VPS18: variants seen among roughly 807,000 people sequenced by gnomAD.
The protein encoded by VPS18 is VPS18 core subunit of CORVET and HOPS complexes.
A neutral mutation model predicts 82.0 loss-of-function variants in VPS18; 25 were observed. That is an observed-to-expected ratio of 0.30 (90% CI 0.22 to 0.43). The LOEUF (loss-of-function observed/expected upper bound fraction) is 0.43. Among genes scored for constraint, VPS18 ranks in the 20% least tolerant of loss-of-function variants. The pLI is 1.00. For missense variants in VPS18, 1,168 were observed against 1,311.1 expected, an observed-to-expected ratio of 0.89 and a Z score of 1.69; for synonymous variants, 523 against 543.0, an observed-to-expected ratio of 0.96 and a Z score of 0.51.
chr15:40,894,975 C>A, intron 1 of VPS18, 116 bp downstream of exon 1: 1 of 1,041,716 alleles, frequency 9.6e-7, no homozygotes, highest in Non-Finnish European at 1.3e-6. Context: ...CCTTCCGGGT[C>A]TAGGCCCCTG....
In VPS18 at chr15:40,899,519, G is replaced by T. The variant is rs202034474; in HGVS notation, c.701G>T (p.Arg234Leu). 5 of 1,610,450 alleles carry T rather than the reference G, an allele frequency of 3.1e-6. No individual in the cohort carries two copies. The highest frequency in any genetic ancestry group is 4.2e-6 in the Non-Finnish European group (5 of 1,180,018). ...CAGCGCCTCTTCCAGTTCATAGGCC[G>T]AGCAGCAGAGGGGGCTGAGGCCCAG... The part of the protein sequence containing the change: ...TRQRLFQFIG[R>L]AAEGAEAQGF... The change falls in exon 4 of 5, where the codon CGA (arginine) becomes CTA (leucine). Residue 234 changes from arginine to leucine, a missense_variant. Around this residue, in one of 3 missense-constraint regions of VPS18, gnomAD observed 868 missense variants for 939.8 expected, o/e 0.92. Transcript: ENST00000220509. The surrounding 1 kb of genome is among the most constrained non-coding windows in gnomAD (Gnocchi z 4.4).
intron 2 of VPS18, among the ~76,000 whole-genome samples, chr15:40,897,983 T>C (rs1892257595): frequency 6.6e-6 from 1 of 152,234 alleles, no homozygotes; most frequent in African/African-American, 2.4e-5. Flanking sequence ...TTTTATTTTT[T>C]TGAGACAGAG....
Position 40,902,788 on chromosome 15 carries a change from CCTT to C in VPS18, c.2373_2375del (p.Phe792del). The stretch of plus-strand genomic sequence containing the variant: ...TTGCTCAAGATTGAGGATGTGCTGC[CCTT>C]CTTTCCTGATTTCGTCACCATCGAC... On this transcript the variant is annotated inframe_deletion, in exon 5 of 5. Transcript: ENST00000220509. The surrounding 1 kb of genome is among the most constrained non-coding windows in gnomAD (Gnocchi z 4.2). 6.2e-7 allele frequency: 1 copy of C among 1,614,246 alleles called. No homozygotes were observed. Among genetic ancestry groups the C allele is most frequent in the Non-Finnish European group, 8.5e-7 (1 of 1,180,040 alleles).
At chr15:40,898,123 C>A (rs929912638) in intron 2 of VPS18, among the ~76,000 whole-genome samples, 2 of 152,102 alleles carry the variant, frequency 1.3e-5, no homozygotes, top group African/African-American at 4.8e-5. Flanking sequence ...CCTGCCACCG[C>A]GCCCGGCTAA....
At chr15:40,897,019 G>T (rs1325900755) in intron 2 of VPS18, among the ~76,000 whole-genome samples, 3 of 152,102 alleles carry the variant, frequency 2.0e-5, no homozygotes, top group Non-Finnish European at 4.4e-5. Context: ...ATCCTGGCTG[G>T]GCGAGGTGGC....
chr15:40,896,225 C>T, intron 2 of VPS18, 146 bp downstream of exon 2: 1 of 1,210,978 alleles, frequency 8.3e-7, no homozygotes, highest in Non-Finnish European at 1.1e-6. Flanking sequence ...CCAAAGAGAA[C>T]CAATACAGGG....
chr15:40,900,216 G>A lies in VPS18; in HGVS notation c.1398G>A (p.Glu466=), dbSNP rs1174786391. 1.2e-6 allele frequency: 2 copies of A among 1,613,748 alleles called. No homozygotes were observed. Among genetic ancestry groups the A allele is most frequent in the Non-Finnish European group, 1.7e-6 (2 of 1,180,046 alleles). The change falls in exon 4 of 5, where the codon GAG becomes GAA. Residue 466 remains glutamate (E), a synonymous_variant. Transcript: ENST00000220509. The surrounding 1 kb of genome is among the most constrained non-coding windows in gnomAD (Gnocchi z 5.4). The part of the protein sequence containing the change: ...IALKFLEARQ[E]EALAEFLQRK... ...TCAAGTTCCTGGAGGCCCGACAGGA[G>A]GAGGCTCTGGCTGAGTTCCTGCAGC... is the stretch of plus-strand genomic sequence containing the variant.
At chr15:40,895,355 G>A (rs902879521) in intron 1 of VPS18, among the ~76,000 whole-genome samples, 2 of 152,336 alleles carry the variant, frequency 1.3e-5, no homozygotes, top group East Asian at 1.9e-4. Context: ...GTGCAGCCTG[G>A]AGTTTGGGGA....
At position 40,902,722 on chromosome 15, in the gene VPS18, A is replaced by G; in HGVS notation, c.2303A>G (p.Glu768Gly). The change falls in exon 5 of 5, where the codon GAA becomes GGA. Residue 768 changes from glutamate (E) to glycine (G), a missense_variant. Physicochemically the swap from Glu to Gly is moderately conservative, Grantham distance 98 (BLOSUM62 -2). This residue lies in a region of VPS18 where 296 missense variants were observed against 354.0 expected (regional missense o/e 0.84). Transcript: ENST00000220509. The surrounding 1 kb of genome is among the most constrained non-coding windows in gnomAD (Gnocchi z 4.2). ...KIARHVVQEE[E>G]DVQTAMACLA... ...GCACGGCACGTGGTGCAGGAAGAGG[A>G]AGATGTACAGACAGCCATGGCTTGC... The G allele has an allele frequency of 1.9e-6, 3 of 1,614,288 alleles. No homozygotes were observed. Among genetic ancestry groups the G allele is most frequent in the Non-Finnish European group, 2.5e-6 (3 of 1,180,056 alleles).
In VPS18 at chr15:40,900,906, C is replaced by T; in HGVS notation, c.2088C>T (p.Asp696=). 1 of 1,614,030 alleles carries T rather than the reference C, an allele frequency of 6.2e-7. No homozygotes were observed. Among genetic ancestry groups the T allele is most frequent in the Non-Finnish European group, 8.5e-7 (1 of 1,180,048 alleles). Residue 696 remains aspartate (D), a synonymous_variant, in exon 4 of 5, where the codon GAC becomes GAT. Coordinates refer to ENST00000220509, the MANE Select transcript of VPS18 (RefSeq NM_020857.3). This position sits in a 1 kb window ranked among gnomAD's most constrained non-coding sequence, Gnocchi z 5.4. The stretch of plus-strand genomic sequence containing the variant: ...CCAGCCCCCACCGGGTGCATTACGA[C>T]CTCAAGTATGCGCTGCGGCTCTGCG... ...AGASPHRVHY[D]LKYALRLCAE... is the part of the protein sequence containing the mutation.
chr15:40,902,805 G>A lies in VPS18; in HGVS notation c.2386G>A (p.Val796Ile), dbSNP rs373831579. 7.4e-6 allele frequency: 12 copies of A among 1,614,130 alleles called. No homozygotes were observed. Among genetic ancestry groups the A allele is most frequent in the East Asian group, 4.5e-5 (2 of 44,902 alleles). ...TGTGCTGCCCTTCTTTCCTGATTTC[G>A]TCACCATCGACCACTTCAAGGAGGC... is the stretch of plus-strand genomic sequence containing the variant. ...EDVLPFFPDF[V>I]TIDHFKEAIC... The change falls in exon 5 of 5, where the codon GTC becomes ATC. Residue 796 changes from valine (V) to isoleucine (I), a missense_variant. Physicochemically the swap from Val to Ile is conservative, Grantham distance 29 (BLOSUM62 3). Transcript: ENST00000220509. This position sits in a 1 kb window ranked among gnomAD's most constrained non-coding sequence, Gnocchi z 4.2.
chr15:40,903,711 C>T lies in VPS18; in HGVS notation c.*370C>T, dbSNP rs190521957. 7 of 177,250 alleles carry T rather than the reference C, an allele frequency of 3.9e-5. No individual in the cohort carries two copies. The highest frequency in any genetic ancestry group is 6.2e-5 in the Admixed American group (1 of 16,190). 11.0% of individuals were successfully genotyped at this position (177,250 alleles called of 1,614,324 possible). A position where few individuals can be genotyped will look rare whatever the true frequency, so the allele number is the denominator to read the frequency against. The stretch of plus-strand genomic sequence containing the variant: ...AGAGAGAGAGAGAGCACCTTTCTTC[C>T]GTCTGTTCACTCTGCGGCCTCTGGA... On this transcript the variant is annotated 3_prime_UTR_variant, in exon 5 of 5. Transcript: ENST00000220509.
chr15:40,902,991 T>C lies in VPS18; in HGVS notation c.2572T>C (p.Phe858Leu). The C allele has an allele frequency of 1.2e-6, 2 of 1,614,276 alleles. No individual in the cohort carries two copies. The highest frequency in any genetic ancestry group is 1.1e-5 in the South Asian group (1 of 91,090). ...CCAGGACAAATGTGCCACCTGCGAC[T>C]TCCCCCTGCTCAACCGCCCTTTTTA... ...EPQDKCATCD[F>L]PLLNRPFYLF... is the part of the protein sequence containing the mutation. Residue 858 changes from phenylalanine (F) to leucine (L), a missense_variant, in exon 5 of 5, where the codon TTC becomes CTC. By Grantham distance (22) the Phe-to-Leu change is conservative. Transcript: ENST00000220509. The surrounding 1 kb of genome is among the most constrained non-coding windows in gnomAD (Gnocchi z 4.2).
In VPS18 at chr15:40,900,394, T is replaced by G; in HGVS notation, c.1576T>G (p.Phe526Val). 1 of 1,613,720 alleles carries G rather than the reference T, an allele frequency of 6.2e-7. No individual in the cohort carries two copies. The highest frequency in any genetic ancestry group is 8.5e-7 in the Non-Finnish European group (1 of 1,179,976). ...AGAAACCAAGGAATGCTTTCGAACC[T>G]TCCTCAGCAGCCCCCGCCACAAAGA... The part of the protein sequence containing the change: ...YRETKECFRT[F>V]LSSPRHKEWL... The change falls in exon 4 of 5, where the codon TTC becomes GTC. Residue 526 changes from phenylalanine to valine, a missense_variant. Coordinates refer to ENST00000220509, the MANE Select transcript of VPS18 (RefSeq NM_020857.3). The surrounding 1 kb of genome is among the most constrained non-coding windows in gnomAD (Gnocchi z 5.4).
rs746735328 is a variant in VPS18 at position 40,902,880 on chromosome 15, C to T, written c.2461C>T (p.Arg821Trp). The T allele has an allele frequency of 2.5e-6, 4 of 1,614,136 alleles. No individual in the cohort carries two copies. Among genetic ancestry groups the T allele is most frequent in the African/African-American group, 1.3e-5 (1 of 74,944 alleles). ...AYNHHIQELQ[R>W]EMEEATASAQ... is the part of the protein sequence containing the mutation. The stretch of plus-strand genomic sequence containing the variant: ...CAACCACCACATCCAGGAGCTGCAG[C>T]GGGAGATGGAAGAGGCTACAGCCAG... Residue 821 changes from arginine (R) to tryptophan (W), a missense_variant, in exon 5 of 5, where the codon CGG becomes TGG. Arg to Trp is a moderately radical substitution (Grantham distance 101, BLOSUM62 -3). Coordinates refer to ENST00000220509, the MANE Select transcript of VPS18 (RefSeq NM_020857.3). This position sits in a 1 kb window ranked among gnomAD's most constrained non-coding sequence, Gnocchi z 4.2.
At position 40,900,759 on chromosome 15, in the gene VPS18, C is replaced by T. The variant is rs1892340841; in HGVS notation, c.1941C>T (p.Arg647=). ...GEVQQVSQAI[R]YMEFCVNVLG... is the part of the protein sequence containing the mutation. ...TCCAGCAGGTGAGCCAGGCCATCCG[C>T]TACATGGAGTTCTGCGTGAACGTGC... The change falls in exon 4 of 5, where the codon CGC becomes CGT. Residue 647 remains arginine, a synonymous_variant. Coordinates refer to ENST00000220509, the MANE Select transcript of VPS18 (RefSeq NM_020857.3). This position sits in a 1 kb window ranked among gnomAD's most constrained non-coding sequence, Gnocchi z 5.4. 8.7e-6 allele frequency: 14 copies of T among 1,614,230 alleles called. No homozygotes were observed. Among genetic ancestry groups the T allele is most frequent in the Non-Finnish European group, 1.2e-5 (14 of 1,180,052 alleles).
chr15:40,902,999 G>A lies in VPS18; in HGVS notation c.2580G>A (p.Leu860=), dbSNP rs770767141. ...QDKCATCDFP[L]LNRPFYLFLC... ...AATGTGCCACCTGCGACTTCCCCCTGCTCAACCGCCCTTTTTACCTCTTCC... is the reference window on the plus strand; with the variant it reads ...AATGTGCCACCTGCGACTTCCCCCTACTCAACCGCCCTTTTTACCTCTTCC... The change falls in exon 5 of 5, where the codon CTG becomes CTA. Residue 860 remains leucine (L), a synonymous_variant. Coordinates refer to ENST00000220509, the MANE Select transcript of VPS18 (RefSeq NM_020857.3). The surrounding 1 kb of genome is among the most constrained non-coding windows in gnomAD (Gnocchi z 4.2). 2 of 1,614,268 alleles carry A rather than the reference G, an allele frequency of 1.2e-6. No homozygotes were observed. Among genetic ancestry groups the A allele is most frequent in the Non-Finnish European group, 1.7e-6 (2 of 1,180,052 alleles).
chr15:40,898,092 C>A (rs539007917), intron 2 of VPS18, among the ~76,000 whole-genome samples: 1 of 151,998 alleles, frequency 6.6e-6, no homozygotes, highest in Non-Finnish European at 1.5e-5. Context: ...TCAGCCTCCC[C>A]AGTAGCTGGG....
At chr15:40,901,519 A>T (rs1336085975) in intron 4 of VPS18, among the ~76,000 whole-genome samples, 1 of 147,386 alleles carries the variant, frequency 6.8e-6, no homozygotes, top group Admixed American at 6.7e-5. Context: ...CCTGGGAGGT[A>T]GAGGTTGCAT....
Sources: gnomAD v4.1 joint callset for allele counts (sites outside exome capture counted in the v4.1 genomes callset) on GRCh38, gnomAD v4.1.1 for gene constraint, gnomAD v4.1.1 regional missense constraint, Gnocchi (gnomAD v3.1) non-coding constraint, MANE v1.5 for transcripts, NCBI Gene and HGNC (gene_info 2026-07-23, HGNC 2026-07-21) for gene names.